STAU2: variants seen among roughly 807,000 people sequenced by gnomAD.
STAU2 encodes double-stranded RNA-binding protein Staufen homolog 2.
Under a neutral mutation model 65.9 loss-of-function variants are expected in STAU2, and 20 were observed. The ratio of observed to expected loss-of-function variants is 0.30; its 90% CI spans 0.21 to 0.44. STAU2 has a LOEUF of 0.44. Ranked by LOEUF, STAU2 falls within the 20% of genes least tolerant of loss-of-function variation. The pLI is 1.00. For synonymous variants in STAU2, 232 were observed against 233.9 expected, an observed-to-expected ratio of 0.99 and a Z score of 0.07; for missense variants, 558 against 683.9, an observed-to-expected ratio of 0.82 and a Z score of 2.05.
At chr8:73,625,381 G>A (rs1335515469) in intron 6 of STAU2, among the ~76,000 whole-genome samples, 3 of 152,162 alleles carry the variant, frequency 2.0e-5, no homozygotes, top group East Asian at 1.9e-4. Flanking sequence ...TCGTACAAAG[G>A]AATGAAGTAT....
intron 4 of STAU2, among the ~76,000 whole-genome samples, chr8:73,702,980 T>C (rs1023096554): frequency 9.2e-5 from 14 of 152,334 alleles, no homozygotes; most frequent in African/African-American, 2.4e-4. Flanking sequence ...GCAAAAAAAT[T>C]TGGCAATGTC....
chr8:73,730,728 C>CAAAAA (rs60034849), intron 3 of STAU2, among the ~76,000 whole-genome samples: 1 of 82,696 alleles, frequency 1.2e-5, no homozygotes, highest in African/African-American at 3.9e-5. Context: ...CTACGTCTTT[C>CAAAAA]AAAAAAAAAA....
At chr8:73,567,713 C>A (rs940263047) in intron 12 of STAU2, among the ~76,000 whole-genome samples, 1 of 151,818 alleles carries the variant, frequency 6.6e-6, no homozygotes, top group African/African-American at 2.4e-5. Context: ...CCATGCCTGG[C>A]AAATTTTTGT....
intron 13 of STAU2, chr8:73,550,405 A>G: frequency 1.0e-6 from 1 of 985,196 alleles, no homozygotes; most frequent in Non-Finnish European, 1.2e-6. Context: ...ACATTCTGGT[A>G]GCAAAATTAC....
rs1456831064 is a variant in STAU2, at chr8:73,689,434, C to T, written c.115-621G>A. 3.3e-5 allele frequency among the ~76,000 whole-genome samples: 5 copies of T among 152,290 alleles called. No individual in the cohort carries two copies. In the East Asian group the frequency reaches 7.7e-4, roughly 24 times the overall value. On this transcript the variant is annotated intron_variant, in intron 4 of 14. Transcript: ENST00000524300. ...ATAATATTCTTCCAGCTGATCACTGCTAAAACTATCTTTCTAAAACACAAA... is the reference window on the plus strand; with the variant it reads ...ATAATATTCTTCCAGCTGATCACTGTTAAAACTATCTTTCTAAAACACAAA...
At chr8:73,508,723 A>T (rs908164150) in intron 13 of STAU2, among the ~76,000 whole-genome samples, 2 of 152,196 alleles carry the variant, frequency 1.3e-5, no homozygotes, top group Admixed American at 6.5e-5. Flanking sequence ...TTTTCTGGAA[A>T]TTTCATATAT....
At chr8:73,668,918 T>C in intron 6 of STAU2, 1 of 631,832 alleles carries the variant, frequency 1.6e-6, no homozygotes. Flanking sequence ...ATACCTAATT[T>C]TGCTTAATAT....
At chr8:73,700,612 A>G (rs1365861279) in intron 4 of STAU2, among the ~76,000 whole-genome samples, 1 of 152,092 alleles carries the variant, frequency 6.6e-6, no homozygotes, top group Admixed American at 6.6e-5. Flanking sequence ...TAACTCAACC[A>G]AGGAAGTGAA....
intron 7 of STAU2, 101 bp downstream of exon 7, chr8:73,617,191 T>C: frequency 7.2e-7 from 1 of 1,386,802 alleles, no homozygotes; most frequent in Non-Finnish European, 9.7e-7. Flanking sequence ...TCTAGTATTC[T>C]TCCCTATCAG....
Position 73,527,744 on chromosome 8 carries a change from C to T in STAU2, c.1530+24268G>A, listed in dbSNP as rs1471803357. On this transcript the variant is annotated intron_variant, in intron 13 of 14. Coordinates refer to ENST00000524300, the MANE Select transcript of STAU2 (RefSeq NM_001164380.2). ...CCAATAGCATGGAAAGTCATCTGCACAGGGGCTAATGTCAGACAGGTCACA... is the reference window on the plus strand; with the variant it reads ...CCAATAGCATGGAAAGTCATCTGCATAGGGGCTAATGTCAGACAGGTCACA... 7 of 1,536,736 alleles carry T rather than the reference C, an allele frequency of 4.6e-6. No individual in the cohort carries two copies. The East Asian group carries it at 1.2e-4, about 27-fold the overall frequency.
chr8:73,626,300 T>C (rs77272025), intron 6 of STAU2, among the ~76,000 whole-genome samples: 3,967 of 152,240 alleles, frequency 0.026, 145 homozygotes, highest in African/African-American at 0.087. Context: ...CCTGCAGAAA[T>C]AACATGTTGG....
intron 3 of STAU2, among the ~76,000 whole-genome samples, chr8:73,716,545 T>C (rs2130683943): frequency 6.6e-6 from 1 of 152,364 alleles, no homozygotes; most frequent in South Asian, 2.1e-4. Context: ...AAAAACACAG[T>C]GTGTCCTTAC....
intron 6 of STAU2, among the ~76,000 whole-genome samples, chr8:73,663,645 TCTA>T (rs1410465461): frequency 1.3e-5 from 2 of 151,452 alleles, no homozygotes; most frequent in African/African-American, 4.8e-5. Context: ...AAAAAAAAAC[TCTA>T]CTATGATTTT....
At chr8:73,575,933 G>A (rs76201226) in intron 12 of STAU2, among the ~76,000 whole-genome samples, 1 of 151,676 alleles carries the variant, frequency 6.6e-6, no homozygotes, top group East Asian at 1.9e-4. Flanking sequence ...AAAAACCCCA[G>A]TAAAAATAGA....
intron 1 of STAU2, among the ~76,000 whole-genome samples, chr8:73,744,135 C>A (rs559610901): frequency 6.6e-6 from 1 of 152,032 alleles, no homozygotes; most frequent in East Asian, 1.9e-4. Flanking sequence ...ATAATTTTTC[C>A]TGGAACAAAG....
At chr8:73,648,223 T>G (rs1031951445) in intron 6 of STAU2, among the ~76,000 whole-genome samples, 1 of 152,238 alleles carries the variant, frequency 6.6e-6, no homozygotes, top group South Asian at 2.1e-4. Flanking sequence ...TCATTCCTAG[T>G]ATTTTCTTGA....
chr8:73,627,776 G>A (rs1813800701), intron 6 of STAU2, among the ~76,000 whole-genome samples: 1 of 147,066 alleles, frequency 6.8e-6, no homozygotes, highest in Non-Finnish European at 1.5e-5. Flanking sequence ...AAAAAACACT[G>A]ACAGTGTGGA....
intron 5 of STAU2, among the ~76,000 whole-genome samples, chr8:73,678,602 G>A (rs1818177869): frequency 6.6e-6 from 1 of 152,040 alleles, no homozygotes; most frequent in Non-Finnish European, 1.5e-5. Flanking sequence ...TCATATATAA[G>A]ACTGTAAGAC....
intron 6 of STAU2, among the ~76,000 whole-genome samples, chr8:73,625,771 T>C (rs1001100546): frequency 1.3e-5 from 2 of 152,148 alleles, no homozygotes; most frequent in Non-Finnish European, 1.5e-5. Context: ...TTCTATTTTG[T>C]TTCTCACTGA....
Sources: allele counts gnomAD v4.1 joint callset (sites outside exome capture counted in the v4.1 genomes callset), GRCh38; gene constraint gnomAD v4.1.1; transcripts MANE v1.5; gene names NCBI Gene and HGNC (gene_info 2026-07-23, HGNC 2026-07-21).